The following SORCS2 variants were observed in gnomAD, a reference collection of about 807,000 sequenced individuals.
The protein encoded by SORCS2 is sortilin related VPS10 domain containing receptor 2, also known as VPS10 domain-containing receptor SorCS2.
A neutral mutation model predicts 141.6 loss-of-function variants in SORCS2; 100 were observed. The ratio of observed to expected loss-of-function variants is 0.71; its 90% CI spans 0.60 to 0.83. SORCS2 has a LOEUF of 0.83. Among genes scored for constraint, SORCS2 ranks in the 40% least tolerant of loss-of-function variants. SORCS2 has a pLI of 0.00. For missense variants in SORCS2, 1,646 were observed against 1,560.2 expected (o/e 1.05, Z -0.93); for synonymous variants, 789 against 676.9 (o/e 1.17, Z -2.57).
intron 1 of SORCS2, among the ~76,000 whole-genome samples, chr4:7,215,978 C>T (rs1728326185): frequency 6.6e-6 from 1 of 151,842 alleles, no homozygotes; most frequent in Non-Finnish European, 1.5e-5. Context: ...CGCTCGGGTC[C>T]CCTTCCACAC....
intron 2 of SORCS2, among the ~76,000 whole-genome samples, chr4:7,415,355 T>C (rs1412144774): frequency 6.6e-6 from 1 of 152,182 alleles, no homozygotes; most frequent in African/African-American, 2.4e-5. Flanking sequence ...TTCTCCAGCT[T>C]CTAGAGTTGG....
chr4:7,434,636 C>T (rs201099591), intron 2 of SORCS2: 347 of 1,613,170 alleles, frequency 2.2e-4, no homozygotes, highest in Middle Eastern at 8.2e-4. Flanking sequence ...GACTCCGTGG[C>T]GTCAGGGTTC....
rs563978549 is a variant in SORCS2 at position 7,648,115 on chromosome 4, C to T, written c.814-6019C>T. ...GCTTACGGTGGGGCAGGTGGGGTGGCGGGCACCTCTGGGATTGTGGTTGCA... is the reference window on the plus strand; with the variant it reads ...GCTTACGGTGGGGCAGGTGGGGTGGTGGGCACCTCTGGGATTGTGGTTGCA... On this transcript the variant is annotated intron_variant, in intron 4 of 26. Coordinates refer to ENST00000507866, the MANE Select transcript of SORCS2 (RefSeq NM_020777.3). This position sits in a 1 kb window ranked among gnomAD's most constrained non-coding sequence, Gnocchi z 4.2. 1.7e-3 allele frequency among the ~76,000 whole-genome samples: 264 copies of T among 151,584 alleles called. 1 individual carries two copies. The highest frequency in any genetic ancestry group is 6.0e-3 in the African/African-American group (248 of 41,276).
chr4:7,242,419 G>C (rs749188727), intron 1 of SORCS2, among the ~76,000 whole-genome samples: 1 of 151,862 alleles, frequency 6.6e-6, no homozygotes, highest in Non-Finnish European at 1.5e-5. Flanking sequence ...GCCCAGGCTG[G>C]TCTCAAACTC....
intron 3 of SORCS2, among the ~76,000 whole-genome samples, chr4:7,544,369 C>T (rs1713084309): frequency 6.6e-6 from 1 of 152,160 alleles, no homozygotes; most frequent in South Asian, 2.1e-4. Context: ...GATGTGTTAG[C>T]TGTGGGTGAA....
intron 2 of SORCS2, among the ~76,000 whole-genome samples, chr4:7,415,956 A>C (rs980020291): frequency 2.6e-5 from 4 of 152,224 alleles, no homozygotes; most frequent in African/African-American, 9.6e-5. Flanking sequence ...AAGGATGGAT[A>C]GGAGTTTTCA....
chr4:7,727,224 T>A (rs540716577), intron 21 of SORCS2, among the ~76,000 whole-genome samples: 27 of 152,366 alleles, frequency 1.8e-4, no homozygotes, highest in African/African-American at 6.0e-4. Context: ...TGGCTGTGCC[T>A]GCCTCCAGGG....
rs1416657732 is a variant in SORCS2, at chr4:7,667,103, T to C, written c.1072-21T>C. On this transcript the variant is annotated intron_variant, in intron 7 of 26. Transcript: ENST00000507866. ...GAGAGGGAATCAAGCCTCTCAAAAA[T>C]GTGTTTCTTCCCCCGGTTAGGCAAC... is the stretch of plus-strand genomic sequence containing the variant. 7 of 1,601,870 alleles carry C rather than the reference T, an allele frequency of 4.4e-6. No homozygotes were observed. The East Asian group carries it at 6.7e-5, about 15-fold the overall frequency.
intron 2 of SORCS2, among the ~76,000 whole-genome samples, chr4:7,436,259 C>T (rs1727292710): frequency 6.6e-6 from 1 of 152,216 alleles, no homozygotes; most frequent in African/African-American, 2.4e-5. Flanking sequence ...CGTGGGTGTC[C>T]TTACCTGGAC....
chr4:7,474,828 C>T (rs185140631), intron 2 of SORCS2, among the ~76,000 whole-genome samples: 2 of 152,154 alleles, frequency 1.3e-5, no homozygotes, highest in Non-Finnish European at 2.9e-5. Flanking sequence ...GCCCGAAGCC[C>T]GGAACCAGGG....
Position 7,712,750 on chromosome 4 carries a change from G to C in SORCS2, c.1886G>C (p.Ser629Thr). 8 of 1,614,022 alleles carry C rather than the reference G, an allele frequency of 5.0e-6. No homozygotes were observed. The highest frequency in any genetic ancestry group is 6.8e-6 in the Non-Finnish European group (8 of 1,179,882). ...TLVMTVFGHI[S>T]FRSDWELVKV... The stretch of plus-strand genomic sequence containing the variant: ...CACCCCAGGGTCTTTGGCCACATCA[G>C]CTTCCGCTCCGATTGGGAGCTGGTC... Residue 629 changes from serine (S) to threonine (T), a missense_variant, in exon 15 of 27, where the codon AGC (serine) becomes ACC (threonine). Transcript: ENST00000507866.
At chr4:7,326,069 A>G (rs1184406662) in intron 1 of SORCS2, among the ~76,000 whole-genome samples, 2 of 152,136 alleles carry the variant, frequency 1.3e-5, no homozygotes, top group African/African-American at 4.8e-5. Context: ...GAAGGGTGTC[A>G]GGATGGAGAG....
intron 1 of SORCS2, among the ~76,000 whole-genome samples, chr4:7,296,933 G>C (rs1410449471): frequency 6.6e-6 from 1 of 152,174 alleles, no homozygotes; most frequent in African/African-American, 2.4e-5. Flanking sequence ...CCTGGTGTCC[G>C]AGGTGCCCAG....
intron 3 of SORCS2, among the ~76,000 whole-genome samples, chr4:7,554,093 G>A (rs989172967): frequency 1.2e-4 from 8 of 68,210 alleles, no homozygotes; most frequent in Non-Finnish European, 1.5e-4. Flanking sequence ...ACAAATGCAA[G>A]GCCAAAAAAT....
At chr4:7,481,711 C>A (rs1447862113) in intron 2 of SORCS2, among the ~76,000 whole-genome samples, 1 of 152,058 alleles carries the variant, frequency 6.6e-6, no homozygotes, top group South Asian at 2.1e-4. Flanking sequence ...GGGGAGGGCA[C>A]TACTGAGAAA....
rs1357256914 is a variant in SORCS2, at chr4:7,450,985, TGAGTGGGTGAATGAGG to T, written c.548+54636_548+54651del. On this transcript the variant is annotated intron_variant, in intron 2 of 26. Coordinates refer to ENST00000507866, the MANE Select transcript of SORCS2 (RefSeq NM_020777.3). ...GAGAGTGAGTGAATGCATGAGTGAC[TGAGTGGGTGAATGAGG>T]GAGTGAATGAATGAGGAAGTGAGGG... Among the ~76,000 whole-genome samples the T allele has an allele frequency of 7.9e-5, 12 of 151,508 alleles. No individual in the cohort carries two copies. In the South Asian group the frequency reaches 1.7e-3, roughly 21 times the overall value.
chr4:7,703,774 G>C (rs1725236945), intron 13 of SORCS2, among the ~76,000 whole-genome samples: 1 of 152,218 alleles, frequency 6.6e-6, no homozygotes, highest in Non-Finnish European at 1.5e-5. Flanking sequence ...CGTGAACTCG[G>C]GACCCAGAAG....
chr4:7,420,415 C>T (rs777261128), intron 2 of SORCS2, among the ~76,000 whole-genome samples: 3 of 152,194 alleles, frequency 2.0e-5, no homozygotes, highest in Non-Finnish European at 2.9e-5. Context: ...CCTGGCTGGG[C>T]ACAGGTCCCA....
intron 8 of SORCS2, among the ~76,000 whole-genome samples, chr4:7,673,851 C>A (rs1279793431): frequency 6.6e-6 from 1 of 152,206 alleles, no homozygotes; most frequent in Non-Finnish European, 1.5e-5. Flanking sequence ...TCAGTCCCCC[C>A]ACCACCCCTG....
Sources: gnomAD v4.1 joint callset for allele counts (sites outside exome capture counted in the v4.1 genomes callset) on GRCh38, gnomAD v4.1.1 for gene constraint, Gnocchi (gnomAD v3.1) non-coding constraint, MANE v1.5 for transcripts, NCBI Gene and HGNC (gene_info 2026-07-23, HGNC 2026-07-21) for gene names.